The following ADAM22 variants were observed in gnomAD, a reference collection of about 807,000 sequenced individuals.
ADAM22 encodes the protein disintegrin and metalloproteinase domain-containing protein 22.
In ADAM22, 65 loss-of-function variants were observed where a neutral mutation model predicts 144.6. That is an observed-to-expected ratio of 0.45 (90% CI 0.37 to 0.55). The LOEUF (loss-of-function observed/expected upper bound fraction) is 0.55. ADAM22 is among the 20% of genes least tolerant of loss of function. The probability of loss-of-function intolerance (pLI) is 0.00; values close to 1 mark genes in which losing one functional copy is unlikely to be tolerated. For missense variants in ADAM22, 974 were observed against 1,184.9 expected (o/e 0.82, Z 2.61); for synonymous variants, 391 against 412.6 (o/e 0.95, Z 0.63).
intron 4 of ADAM22, among the ~76,000 whole-genome samples, chr7:88,087,147 T>C (rs6971348): frequency 0.55 from 83,864 of 151,970 alleles, 24,201 homozygotes; most frequent in East Asian, 0.88. Flanking sequence ...TAATATTTTA[T>C]ATACTATACA....
At chr7:87,984,954 G>T (rs1478324072) in intron 3 of ADAM22, among the ~76,000 whole-genome samples, 2 of 151,888 alleles carry the variant, frequency 1.3e-5, no homozygotes, top group African/African-American at 4.8e-5. Flanking sequence ...TTACAGACAT[G>T]AGCTACCACA....
At chr7:88,128,941 A>G (rs1831087785) in intron 9 of ADAM22, among the ~76,000 whole-genome samples, 1 of 152,048 alleles carries the variant, frequency 6.6e-6, no homozygotes, top group Non-Finnish European at 1.5e-5. Context: ...TAGAGGTACT[A>G]ATATTTGAAT....
At chr7:87,937,869 C>A (rs936631538) in intron 2 of ADAM22, among the ~76,000 whole-genome samples, 1 of 152,176 alleles carries the variant, frequency 6.6e-6, no homozygotes, top group Non-Finnish European at 1.5e-5. Flanking sequence ...AACGTTATCC[C>A]AGTGCCTGGG....
At chr7:88,026,879 A>G (rs918566097) in intron 3 of ADAM22, among the ~76,000 whole-genome samples, 4 of 152,040 alleles carry the variant, frequency 2.6e-5, no homozygotes, top group Admixed American at 6.6e-5. Flanking sequence ...TATGGCTTCT[A>G]TCATGTTGTG....
At chr7:88,024,119 A>G (rs1186856247) in intron 3 of ADAM22, among the ~76,000 whole-genome samples, 1 of 152,058 alleles carries the variant, frequency 6.6e-6, no homozygotes, top group African/African-American at 2.4e-5. Flanking sequence ...TTGCTTCCAA[A>G]TCTTGGCTAT....
chr7:87,959,664 C>A (rs561728141), intron 2 of ADAM22, among the ~76,000 whole-genome samples: 71 of 152,130 alleles, frequency 4.7e-4, no homozygotes, highest in Non-Finnish European at 3.5e-4. Context: ...CTTCAATATG[C>A]AAATCAAAAG....
At chr7:88,056,936 G>A (rs1006268032) in intron 3 of ADAM22, among the ~76,000 whole-genome samples, 2 of 152,136 alleles carry the variant, frequency 1.3e-5, no homozygotes, top group Non-Finnish European at 2.9e-5. Context: ...TTTTAGGAGT[G>A]ATTATGAGGC....
chr7:88,196,219 A>G (rs1250552160), intron 31 of ADAM22, among the ~76,000 whole-genome samples: 1 of 152,204 alleles, frequency 6.6e-6, no homozygotes, highest in African/African-American at 2.4e-5. Flanking sequence ...ATGTTTAGTA[A>G]CATTAAATGA....
intron 14 of ADAM22, among the ~76,000 whole-genome samples, chr7:88,139,735 T>C (rs556262641): frequency 6.7e-6 from 1 of 149,692 alleles, no homozygotes; most frequent in East Asian, 1.9e-4. Flanking sequence ...AGTGTATCCC[T>C]GAGCTGGAGG....
chr7:88,176,362 A>C (rs549840777), intron 26 of ADAM22, among the ~76,000 whole-genome samples: 54 of 152,204 alleles, frequency 3.5e-4, no homozygotes, highest in African/African-American at 1.2e-3. Context: ...TCTTTTGGAG[A>C]CTTTGCAGTG....
chr7:88,188,685 G>A (rs961552444), intron 30 of ADAM22, among the ~76,000 whole-genome samples: 2 of 152,188 alleles, frequency 1.3e-5, no homozygotes, highest in Admixed American at 6.5e-5. Context: ...TCTAATGCAA[G>A]GGAGAATTTC....
chr7:88,168,404 A>G (rs1399191716), intron 25 of ADAM22, 177 bp downstream of exon 25: 3 of 665,448 alleles, frequency 4.5e-6, no homozygotes, highest in Non-Finnish European at 8.3e-6. Context: ...TAATAACATC[A>G]TTTTTTAGAT....
intron 3 of ADAM22, among the ~76,000 whole-genome samples, chr7:88,052,517 C>T (rs1197167257): frequency 6.6e-6 from 1 of 151,820 alleles, no homozygotes; most frequent in African/African-American, 2.4e-5. Flanking sequence ...AAAAAGTTCC[C>T]AGATGCTGCT....
intron 13 of ADAM22, among the ~76,000 whole-genome samples, chr7:88,135,134 C>T (rs753782134): frequency 3.3e-5 from 5 of 151,342 alleles, no homozygotes; most frequent in East Asian, 1.9e-4. Flanking sequence ...AAAAATTAGC[C>T]GGGTGTGGTG....
At chr7:88,088,191 G>A (rs1369783980) in intron 4 of ADAM22, among the ~76,000 whole-genome samples, 1 of 152,110 alleles carries the variant, frequency 6.6e-6, no homozygotes, top group Admixed American at 6.6e-5. Context: ...ACTGAAAATG[G>A]CCACTATCAT....
At chr7:88,045,287 G>C (rs954513139) in intron 3 of ADAM22, among the ~76,000 whole-genome samples, 3 of 152,092 alleles carry the variant, frequency 2.0e-5, no homozygotes, top group African/African-American at 7.2e-5. Flanking sequence ...CAAAATGCTG[G>C]GATTATAGGC....
chr7:88,021,169 G>C (rs775427160), intron 3 of ADAM22, among the ~76,000 whole-genome samples: 2 of 152,182 alleles, frequency 1.3e-5, no homozygotes, highest in Non-Finnish European at 2.9e-5. Flanking sequence ...GCCTCTTGGG[G>C]CACAGGGCAG....
At chr7:88,128,580 T>C (rs375484942) in intron 8 of ADAM22, 22 bp from the exon 9 acceptor site, 16 of 1,596,450 alleles carry the variant, frequency 1.0e-5, no homozygotes, top group Non-Finnish European at 1.3e-5. Flanking sequence ...AATTAGGTGC[T>C]GTTTCCTTTC....
chr7:88,151,115 A>G (rs1838218309), intron 19 of ADAM22, 84 bp downstream of exon 19: 10 of 1,530,948 alleles, frequency 6.5e-6, no homozygotes, highest in South Asian at 1.1e-5. Flanking sequence ...AGGAAGATCA[A>G]TTTAAATGTT....
Sources: allele counts gnomAD v4.1 joint callset (sites outside exome capture counted in the v4.1 genomes callset), GRCh38; gene constraint gnomAD v4.1.1; transcripts MANE v1.5; gene names NCBI Gene and HGNC (gene_info 2026-07-23, HGNC 2026-07-21).